The following VEGFC variants were observed in gnomAD, a reference collection of about 807,000 sequenced individuals.
The protein encoded by VEGFC is vascular endothelial growth factor C.
VEGFC carries 12 observed loss-of-function variants against 46.1 expected under a neutral mutation model. That is an observed-to-expected ratio of 0.26 (90% confidence interval 0.17 to 0.42). The LOEUF is 0.42. Ranked by LOEUF, VEGFC falls within the 10% of genes least tolerant of loss-of-function variation. The pLI is 1.00. For missense variants in VEGFC, 488 were observed against 529.4 expected (o/e 0.92, Z 0.77); for synonymous variants, 232 against 195.5 (o/e 1.19, Z -1.56).
At chr4:176,697,592 C>A (rs2110981105) in intron 4 of VEGFC, among the ~76,000 whole-genome samples, 1 of 150,834 alleles carries the variant, frequency 6.6e-6, no homozygotes, top group East Asian at 2.0e-4. Flanking sequence ...CCTCAGGGAT[C>A]TAGAACTGGA....
intron 1 of VEGFC, among the ~76,000 whole-genome samples, chr4:176,759,813 G>A (rs1288939339): frequency 6.6e-6 from 1 of 152,038 alleles, no homozygotes; most frequent in Non-Finnish European, 1.5e-5. Context: ...TTGGAGAGGA[G>A]AGATGCAGCA....
At chr4:176,697,086 C>T (rs376979806) in intron 4 of VEGFC, among the ~76,000 whole-genome samples, 1,649 of 151,734 alleles carry the variant, frequency 0.011, 17 homozygotes, top group Non-Finnish European at 0.018. Flanking sequence ...AAGGACTTCA[C>T]GTCTAAAACA....
At chr4:176,779,642 C>T (rs1239228751) in intron 1 of VEGFC, among the ~76,000 whole-genome samples, 2 of 149,302 alleles carry the variant, frequency 1.3e-5, no homozygotes, top group African/African-American at 4.9e-5. Flanking sequence ...CACTTTTAAC[C>T]TCCTGAGGAG....
chr4:176,767,123 T>TAA (rs70964805), intron 1 of VEGFC, among the ~76,000 whole-genome samples: 1,109 of 50,464 alleles, frequency 0.022, 38 homozygotes, highest in African/African-American at 0.055. Flanking sequence ...TGTAGAAATC[T>TAA]AAAAAAAAAA....
intron 1 of VEGFC, among the ~76,000 whole-genome samples, chr4:176,785,715 G>A (rs1735991764): frequency 6.6e-6 from 1 of 151,864 alleles, no homozygotes; most frequent in Non-Finnish European, 1.5e-5. Context: ...ACTTCTGATT[G>A]TCTAAATATT....
At position 176,684,045 on chromosome 4, in the gene VEGFC, G is replaced by C. The variant is rs1302018930; in HGVS notation, c.1146-5C>G. 4 of 1,609,210 alleles carry C rather than the reference G, an allele frequency of 2.5e-6. No individual in the cohort carries two copies. Among genetic ancestry groups the C allele is most frequent in the Middle Eastern group, 3.3e-4 (2 of 6,058 alleles). ...GTACATGGCCGTCTGTAACAGCTAG[G>C]AGAACAAACAAGAACACACTTACGT... is the stretch of plus-strand genomic sequence containing the variant. On this transcript the variant is annotated splice_polypyrimidine_tract_variant and splice_region_variant and intron_variant, in intron 6 of 6. Coordinates refer to ENST00000618562, the MANE Select transcript of VEGFC (RefSeq NM_005429.5).
At chr4:176,716,584 GAAAAAA>G (rs57274087) in intron 3 of VEGFC, among the ~76,000 whole-genome samples, 7 of 43,766 alleles carry the variant, frequency 1.6e-4, no homozygotes, top group South Asian at 9.3e-4. Flanking sequence ...CTCCCTCTCC[GAAAAAA>G]AAAAAAAAAA....
intron 1 of VEGFC, among the ~76,000 whole-genome samples, chr4:176,788,377 C>A (rs772632732): frequency 2.6e-5 from 4 of 152,200 alleles, no homozygotes; most frequent in Admixed American, 2.0e-4. Flanking sequence ...CAAAGTCACA[C>A]GCAGTGCTTT....
At chr4:176,697,777 C>T (rs1734347007) in intron 4 of VEGFC, among the ~76,000 whole-genome samples, 2 of 151,000 alleles carry the variant, frequency 1.3e-5, no homozygotes, top group African/African-American at 4.9e-5. Context: ...AAATGTGGCA[C>T]ATATACACCA....
chr4:176,775,008 G>C (rs1362780743), intron 1 of VEGFC, among the ~76,000 whole-genome samples: 1 of 152,132 alleles, frequency 6.6e-6, no homozygotes, highest in East Asian at 1.9e-4. Flanking sequence ...AAAGTGCCTT[G>C]AGCAGAGGAA....
At chr4:176,697,376 A>T (rs1411624414) in intron 4 of VEGFC, among the ~76,000 whole-genome samples, 1 of 152,182 alleles carries the variant, frequency 6.6e-6, no homozygotes, top group Non-Finnish European at 1.5e-5. Flanking sequence ...CAAAAAACAC[A>T]TGAAAAAATG....
intron 4 of VEGFC, 141 bp from the exon 5 acceptor site, chr4:176,688,068 C>G (rs1734078641): frequency 3.7e-6 from 2 of 539,330 alleles, no homozygotes; most frequent in Non-Finnish European, 6.5e-6. Context: ...TGAATGTTTT[C>G]TCCCAAACTC....
chr4:176,714,985 A>G (rs1734674743), intron 3 of VEGFC, among the ~76,000 whole-genome samples: 1 of 152,230 alleles, frequency 6.6e-6, no homozygotes, highest in African/African-American at 2.4e-5. Context: ...GAGACAGGTA[A>G]AACAGCACTA....
chr4:176,728,287 A>C (rs910627337), intron 2 of VEGFC, among the ~76,000 whole-genome samples: 12 of 152,344 alleles, frequency 7.9e-5, no homozygotes, highest in African/African-American at 2.4e-4. Flanking sequence ...ATGGTAATTT[A>C]ATATATGAAT....
intron 4 of VEGFC, among the ~76,000 whole-genome samples, chr4:176,688,774 T>G (rs1360790083): frequency 6.6e-6 from 1 of 152,324 alleles, no homozygotes; most frequent in South Asian, 2.1e-4. Context: ...CCACGTGACA[T>G]GAGCCCTCTC....
At chr4:176,766,084 G>A (rs1041212719) in intron 1 of VEGFC, among the ~76,000 whole-genome samples, 2 of 151,992 alleles carry the variant, frequency 1.3e-5, no homozygotes, top group South Asian at 2.1e-4. Flanking sequence ...CCTAGGTACC[G>A]AAAAGGAAGA....
intron 1 of VEGFC, among the ~76,000 whole-genome samples, chr4:176,751,415 G>T (rs1735340381): frequency 6.6e-6 from 1 of 151,908 alleles, no homozygotes; most frequent in African/African-American, 2.4e-5. Flanking sequence ...ATTGACAAAG[G>T]ATTAATAGAA....
rs763900640 is a variant in VEGFC, at chr4:176,684,006, C to T, written c.1180G>A (p.Ala394Thr). The T allele has an allele frequency of 1.9e-6, 3 of 1,614,188 alleles. No individual in the cohort carries two copies. The highest frequency in any genetic ancestry group is 2.5e-6 in the Non-Finnish European group (3 of 1,180,026). ...YRRPCTNRQK[A>T]CEPGFSYSEE... ...CTATATGAAAATCCTGGCTCACAAG[C>T]CTTCTGGCGGTTCGTACATGGCCGT... Residue 394 changes from alanine to threonine, a missense_variant, in exon 7 of 7, where the codon GCT becomes ACT. Ala to Thr is a moderately conservative substitution (Grantham distance 58). Coordinates refer to ENST00000618562, the MANE Select transcript of VEGFC (RefSeq NM_005429.5).
At chr4:176,723,754 CTTTTA>C (rs1734828868) in intron 3 of VEGFC, among the ~76,000 whole-genome samples, 1 of 144,856 alleles carries the variant, frequency 6.9e-6, no homozygotes, top group Non-Finnish European at 1.5e-5. Context: ...CATAGGTAAA[CTTTTA>C]TTTTAGGTTT....
Sources: allele counts gnomAD v4.1 joint callset (sites outside exome capture counted in the v4.1 genomes callset), GRCh38; gene constraint gnomAD v4.1.1; transcripts MANE v1.5; gene names NCBI Gene and HGNC (gene_info 2026-07-23, HGNC 2026-07-21).